LHPP: variants seen among roughly 807,000 people sequenced by gnomAD.
LHPP encodes the protein hLHPP.
LHPP carries 24 observed loss-of-function variants against 30.3 expected under a neutral mutation model. The ratio of observed to expected loss-of-function variants is 0.79; its 90% CI spans 0.57 to 1.11. LHPP has a LOEUF of 1.11. Ranked by LOEUF, LHPP falls within the 50% of genes most tolerant of loss-of-function variation. The pLI, the probability that LHPP is intolerant of heterozygous loss-of-function variation, is 0.00. For synonymous variants in LHPP, 150 were observed against 157.1 expected, an observed-to-expected ratio of 0.95 and a Z score of 0.34; for missense variants, 356 against 367.2, an observed-to-expected ratio of 0.97 and a Z score of 0.25.
intron 1 of LHPP, among the ~76,000 whole-genome samples, chr10:124,480,695 C>A (rs1953096710): frequency 6.6e-6 from 1 of 151,532 alleles, no homozygotes; most frequent in African/African-American, 2.4e-5. Flanking sequence ...ATAAAACTAT[C>A]TTTATGAAGG....
intron 6 of LHPP, among the ~76,000 whole-genome samples, chr10:124,573,703 A>T (rs1948618333): frequency 1.3e-5 from 2 of 152,148 alleles, no homozygotes; most frequent in Non-Finnish European, 2.9e-5. Context: ...GCCGTGCCTG[A>T]TCCTTGCTGC....
chr10:124,522,733 A>AC (rs1564808304), intron 6 of LHPP, among the ~76,000 whole-genome samples: 3 of 144,506 alleles, frequency 2.1e-5, no homozygotes, highest in Non-Finnish European at 1.5e-5. Flanking sequence ...GCCCCCCCCC[A>AC]AGCACTGTCT....
At chr10:124,557,401 C>G (rs1474275557) in intron 6 of LHPP, among the ~76,000 whole-genome samples, 3 of 152,200 alleles carry the variant, frequency 2.0e-5, no homozygotes, top group African/African-American at 7.2e-5. Context: ...CCCAGGTAAC[C>G]TGGGTGAGCT....
intron 3 of LHPP, among the ~76,000 whole-genome samples, chr10:124,491,815 C>T (rs948650833): frequency 6.6e-6 from 1 of 152,160 alleles, no homozygotes; most frequent in African/African-American, 2.4e-5. Flanking sequence ...GTCCCAGCTA[C>T]TCGGGAGGCT....
chr10:124,550,661 TC>T (rs1352524023), intron 6 of LHPP, among the ~76,000 whole-genome samples: 1 of 152,140 alleles, frequency 6.6e-6, no homozygotes, highest in African/African-American at 2.4e-5. Flanking sequence ...CACAGGCGTG[TC>T]CCCCGTGCCT....
At position 124,516,482 on chromosome 10, in the gene LHPP, G is replaced by A. The variant is rs78779398; in HGVS notation, c.625-698G>A. ...CCTGTGTCCACAGTCTGGAAGCATC[G>A]AAGGCAGTAGGCTGGGGGCAGTCAC... is the stretch of plus-strand genomic sequence containing the variant. On this transcript the variant is annotated intron_variant, in intron 5 of 6. Transcript: ENST00000368842. 4.7e-3 allele frequency among the ~76,000 whole-genome samples: 711 copies of A among 152,320 alleles called. 5 individuals are homozygous for A. The highest frequency in any genetic ancestry group is 0.016 in the African/African-American group (669 of 41,568).
chr10:124,573,858 G>C lies in LHPP; in HGVS notation c.717-39406G>C, dbSNP rs375242990. Among the ~76,000 whole-genome samples the C allele has an allele frequency of 1.8e-4, 27 of 152,162 alleles. No homozygotes were observed. The East Asian group carries it at 4.3e-3, about 24-fold the overall frequency. ...GTGAGGCTTAGCTGTCGGGGGCTGT[G>C]GGGGGATGCAGCTTGCCACACTTGA... On this transcript the variant is annotated intron_variant, in intron 6 of 6. Transcript: ENST00000368842.
intron 1 of LHPP, among the ~76,000 whole-genome samples, chr10:124,463,472 C>T (rs1589744819): frequency 6.6e-6 from 1 of 151,996 alleles, no homozygotes; most frequent in Non-Finnish European, 1.5e-5. Flanking sequence ...AAGTGATTCT[C>T]CTGCCTCAGC....
intron 6 of LHPP, among the ~76,000 whole-genome samples, chr10:124,595,972 A>T (rs1172597644): frequency 1.3e-5 from 2 of 152,096 alleles, no homozygotes; most frequent in Non-Finnish European, 2.9e-5. Flanking sequence ...CTCCAGAGGG[A>T]GCTAGCCCGT....
intron 6 of LHPP, among the ~76,000 whole-genome samples, chr10:124,580,199 C>T (rs1477478317): frequency 6.6e-6 from 1 of 152,236 alleles, no homozygotes; most frequent in Admixed American, 6.5e-5. Context: ...CATCTGCTCC[C>T]AGTCTGTGGT....
chr10:124,492,660 C>G (rs539010899), intron 3 of LHPP, among the ~76,000 whole-genome samples: 1 of 152,364 alleles, frequency 6.6e-6, no homozygotes, highest in Non-Finnish European at 1.5e-5. Context: ...GACCACATAT[C>G]TGGGCACCGT....
intron 6 of LHPP, among the ~76,000 whole-genome samples, chr10:124,610,036 G>C (rs535786636): frequency 2.8e-4 from 42 of 152,374 alleles, no homozygotes; most frequent in African/African-American, 8.7e-4. Flanking sequence ...CTGCAGGGTT[G>C]CAAGTGGATA....
chr10:124,527,246 A>G (rs2133925088), intron 6 of LHPP, among the ~76,000 whole-genome samples: 1 of 152,324 alleles, frequency 6.6e-6, no homozygotes, highest in Middle Eastern at 3.4e-3. Context: ...GTTCTGATGC[A>G]TCAGGGAATC....
At chr10:124,581,006 A>G (rs10794158) in intron 6 of LHPP, among the ~76,000 whole-genome samples, 53,476 of 152,080 alleles carry the variant, frequency 0.35, 9,661 homozygotes, top group East Asian at 0.49. Context: ...TTACAGACGT[A>G]AGCCACCATG....
Position 124,541,325 on chromosome 10 carries a change from C to T in LHPP, c.716+24054C>T, listed in dbSNP as rs1484365892. On this transcript the variant is annotated intron_variant, in intron 6 of 6. Coordinates refer to ENST00000368842, the MANE Select transcript of LHPP (RefSeq NM_022126.4). The surrounding 1 kb of genome is among the most constrained non-coding windows in gnomAD (Gnocchi z 4.2). ...TTGATCAGAGGGAGGCTGACTTTAT[C>T]GAGGGCTGCTTTGTGGCGGGCGTTC... Among the ~76,000 whole-genome samples the T allele has an allele frequency of 2.6e-5, 4 of 152,224 alleles. No individual in the cohort carries two copies. The highest frequency in any genetic ancestry group is 2.1e-4 in the South Asian group (1 of 4,828).
intron 6 of LHPP, among the ~76,000 whole-genome samples, chr10:124,527,107 T>C (rs974388822): frequency 9.9e-5 from 15 of 152,212 alleles, no homozygotes; most frequent in Non-Finnish European, 1.9e-4. Flanking sequence ...GCCCTCTCGC[T>C]GCCCACAGGG....
chr10:124,479,408 T>C (rs959800152), intron 1 of LHPP, among the ~76,000 whole-genome samples: 2 of 152,242 alleles, frequency 1.3e-5, no homozygotes, highest in African/African-American at 4.8e-5. Flanking sequence ...GTCTGTGACA[T>C]CTGGTGGCAG....
chr10:124,481,861 G>A (rs368102471), intron 1 of LHPP, among the ~76,000 whole-genome samples: 108 of 152,238 alleles, frequency 7.1e-4, no homozygotes, highest in African/African-American at 2.4e-3. Flanking sequence ...CTCCTTGTCC[G>A]TCCCTCAGGT....
chr10:124,612,057 C>T (rs1949209122), intron 6 of LHPP, among the ~76,000 whole-genome samples: 1 of 152,220 alleles, frequency 6.6e-6, no homozygotes, highest in Non-Finnish European at 1.5e-5. Flanking sequence ...CACAGCCCTC[C>T]AGGCTGCCCA....
Sources: allele counts gnomAD v4.1 joint callset (sites outside exome capture counted in the v4.1 genomes callset), GRCh38; gene constraint gnomAD v4.1.1; non-coding constraint Gnocchi (gnomAD v3.1); transcripts MANE v1.5; gene names NCBI Gene and HGNC (gene_info 2026-07-23, HGNC 2026-07-21).